ZFHX3: variants seen among roughly 807,000 people sequenced by gnomAD.
ZFHX3 encodes zinc finger homeobox 3.
Under a neutral mutation model 279.1 loss-of-function variants are expected in ZFHX3, and 42 were observed. The ratio of observed to expected loss-of-function variants is 0.15; its 90% confidence interval spans 0.12 to 0.19. The LOEUF is 0.19. ZFHX3 is among the 10% of genes least tolerant of loss of function. The pLI is 1.00. For synonymous variants in ZFHX3, 2,293 were observed against 1,957.8 expected (o/e 1.17, Z -4.52); for missense variants, 4,981 against 4,754.0 (o/e 1.05, Z -1.40).
At chr16:73,620,992 C>T (rs1448346885) in intron 2 of ZFHX3, among the ~76,000 whole-genome samples, 8 of 152,200 alleles carry the variant, frequency 5.3e-5, no homozygotes, top group Admixed American at 3.9e-4. Context: ...GCCCCTTGGT[C>T]TCCTTGGGGG....
chr16:73,708,705 T>C (rs545194207), intron 1 of ZFHX3, among the ~76,000 whole-genome samples: 1 of 152,260 alleles, frequency 6.6e-6, no homozygotes, highest in East Asian at 1.9e-4. Context: ...TATACAGATT[T>C]ATCATGTGCA....
At chr16:72,856,180 A>G (rs1305334803) in intron 4 of ZFHX3, among the ~76,000 whole-genome samples, 1 of 152,226 alleles carries the variant, frequency 6.6e-6, no homozygotes, top group Non-Finnish European at 1.5e-5. Flanking sequence ...CTGATGACAC[A>G]GCGTGCATGT....
chr16:73,802,458 T>A (rs1033520925), intron 1 of ZFHX3, among the ~76,000 whole-genome samples: 1 of 152,234 alleles, frequency 6.6e-6, no homozygotes, highest in Non-Finnish European at 1.5e-5. Flanking sequence ...CATTTTGTGG[T>A]TGAAAGAATC....
At chr16:73,016,131 T>C (rs1484760144) in intron 1 of ZFHX3, 1 of 152,258 alleles carries the variant, frequency 6.6e-6, no homozygotes, top group Non-Finnish European at 1.5e-5. Flanking sequence ...CAGTTCTCTT[T>C]CAATCACAAG....
chr16:73,839,256 G>A (rs2142367143), intron 1 of ZFHX3, among the ~76,000 whole-genome samples: 1 of 141,578 alleles, frequency 7.1e-6, no homozygotes, highest in Middle Eastern at 3.8e-3. Context: ...CAGCTACTTG[G>A]GAGGCTGAGG....
At chr16:73,647,085 G>A (rs999195117) in intron 2 of ZFHX3, among the ~76,000 whole-genome samples, 1 of 149,572 alleles carries the variant, frequency 6.7e-6, no homozygotes. Flanking sequence ...CGATCTCGGC[G>A]CACTGCACGG....
At chr16:72,883,587 C>T (rs2038550222) in intron 4 of ZFHX3, among the ~76,000 whole-genome samples, 1 of 152,210 alleles carries the variant, frequency 6.6e-6, no homozygotes, top group Non-Finnish European at 1.5e-5. Context: ...CCTGTAAACT[C>T]CATTTTTCAT....
In ZFHX3 at chr16:73,883,462, TATAC is replaced by T. The variant is rs138790687; in HGVS notation, c.-1608+8185_-1608+8188del. ...ATGTATTTATAATGTGGACATGATA[TATAC>T]ATACAATCACACACACGCACAATGC... is the stretch of plus-strand genomic sequence containing the variant. On this transcript the variant is annotated intron_variant, in intron 1 of 17. Coordinates refer to the ZFHX3 transcript ENST00000641206. Among the ~76,000 whole-genome samples the T allele has an allele frequency of 2.9e-3, 441 of 152,002 alleles. 1 individual carries two copies. Among genetic ancestry groups the T allele is most frequent in the African/African-American group, 0.01 (428 of 41,444 alleles).
intron 1 of ZFHX3, among the ~76,000 whole-genome samples, chr16:73,016,254 T>C (rs1964099084): frequency 6.6e-6 from 1 of 152,268 alleles, no homozygotes; most frequent in Non-Finnish European, 1.5e-5. Context: ...TGAAGTATTA[T>C]GTTAACAATT....
At chr16:73,150,074 A>G (rs1042026341) in intron 5 of ZFHX3, among the ~76,000 whole-genome samples, 1 of 152,160 alleles carries the variant, frequency 6.6e-6, no homozygotes, top group South Asian at 2.1e-4. Context: ...AAGCAGACGG[A>G]GCTTTTGGGG....
intron 4 of ZFHX3, among the ~76,000 whole-genome samples, chr16:72,888,919 T>C (rs2038698325): frequency 6.6e-6 from 1 of 152,156 alleles, no homozygotes; most frequent in Non-Finnish European, 1.5e-5. Context: ...AGAGCTTTTC[T>C]TGGAAAGTTT....
intron 4 of ZFHX3, among the ~76,000 whole-genome samples, chr16:73,260,446 C>T (rs533612298): frequency 1.2e-3 from 178 of 151,982 alleles, no homozygotes; most frequent in Non-Finnish European, 2.3e-3. Flanking sequence ...TTTTGATGCA[C>T]GCTTGGCCAG....
At chr16:73,115,738 G>A (rs534481028) in intron 7 of ZFHX3, among the ~76,000 whole-genome samples, 3 of 152,272 alleles carry the variant, frequency 2.0e-5, no homozygotes, top group Admixed American at 1.3e-4. Flanking sequence ...TCACAGATGA[G>A]GAAACTGAAG....
At chr16:72,858,648 C>T (rs1235143681) in intron 4 of ZFHX3, among the ~76,000 whole-genome samples, 1 of 152,184 alleles carries the variant, frequency 6.6e-6, no homozygotes, top group Admixed American at 6.5e-5. Flanking sequence ...AGCAACTTTC[C>T]GAATTTATGC....
At chr16:73,437,744 G>A (rs2018021030) in intron 3 of ZFHX3, among the ~76,000 whole-genome samples, 1 of 152,122 alleles carries the variant, frequency 6.6e-6, no homozygotes, top group Non-Finnish European at 1.5e-5. Flanking sequence ...ACTAGTATGT[G>A]GAGGCTAAAA....
At chr16:73,577,105 G>C (rs1004960112) in intron 2 of ZFHX3, among the ~76,000 whole-genome samples, 2 of 152,322 alleles carry the variant, frequency 1.3e-5, no homozygotes, top group South Asian at 2.1e-4. Context: ...TGTGATTGCT[G>C]AGTATGTGAA....
intron 3 of ZFHX3, among the ~76,000 whole-genome samples, chr16:72,922,918 C>A (rs1035950018): frequency 6.6e-6 from 1 of 152,108 alleles, no homozygotes; most frequent in Admixed American, 6.5e-5. Flanking sequence ...CCATACCAGG[C>A]TCCTCAGATT....
At chr16:73,588,408 C>T (rs966344691) in intron 2 of ZFHX3, among the ~76,000 whole-genome samples, 9 of 151,560 alleles carry the variant, frequency 5.9e-5, no homozygotes, top group African/African-American at 1.2e-4. Flanking sequence ...GAGAGGAGGC[C>T]GGTCGCGGTG....
intron 2 of ZFHX3, among the ~76,000 whole-genome samples, chr16:73,651,926 C>G (rs2052676102): frequency 6.6e-6 from 1 of 150,426 alleles, no homozygotes; most frequent in South Asian, 2.1e-4. Context: ...AGTCAAAAGA[C>G]AGTAGAATTA....
Sources: allele counts gnomAD v4.1 joint callset (sites outside exome capture counted in the v4.1 genomes callset), GRCh38; gene constraint gnomAD v4.1.1; transcripts MANE v1.5; gene names NCBI Gene and HGNC (gene_info 2026-07-23, HGNC 2026-07-21).